Variants in PDZRN3 observed in about 807,000 individuals in gnomAD.
The protein encoded by PDZRN3 is E3 ubiquitin-protein ligase PDZRN3.
In PDZRN3, 38 loss-of-function variants were observed where a neutral mutation model predicts 85.7. The ratio of observed to expected loss-of-function variants is 0.44; its 90% CI spans 0.34 to 0.58. The LOEUF is 0.58. Ranked by LOEUF, PDZRN3 falls within the 20% of genes least tolerant of loss-of-function variation. The probability of loss-of-function intolerance (pLI) is 0.01; values close to 1 mark genes in which losing one functional copy is unlikely to be tolerated. For synonymous variants in PDZRN3, 759 were observed against 638.0 expected, an observed-to-expected ratio of 1.19 and a Z score of -2.86; for missense variants, 1,629 against 1,506.4, an observed-to-expected ratio of 1.08 and a Z score of -1.35.
At chr3:73,424,401 T>C (rs1406797156) in intron 3 of PDZRN3, among the ~76,000 whole-genome samples, 2 of 134,254 alleles carry the variant, frequency 1.5e-5, no homozygotes, top group Non-Finnish European at 3.1e-5. Flanking sequence ...AATAGCTGAG[T>C]GTAGTGGCAG....
chr3:73,618,663 A>G (rs1702804091), intron 1 of PDZRN3, among the ~76,000 whole-genome samples: 1 of 152,246 alleles, frequency 6.6e-6, no homozygotes, highest in East Asian at 1.9e-4. Context: ...CTTACTCATC[A>G]AATATTTTTA....
At chr3:73,585,832 G>A (rs1047286538) in intron 3 of PDZRN3, among the ~76,000 whole-genome samples, 7 of 152,164 alleles carry the variant, frequency 4.6e-5, no homozygotes, top group Non-Finnish European at 8.8e-5. Context: ...AAGGAAGACA[G>A]GACAAAGGTG....
At chr3:73,453,746 G>A (rs542494956) in intron 3 of PDZRN3, among the ~76,000 whole-genome samples, 34 of 152,158 alleles carry the variant, frequency 2.2e-4, no homozygotes, top group African/African-American at 7.9e-4. Flanking sequence ...GCCAAATACC[G>A]CAATTCTGAA....
chr3:73,393,764 C>T (rs1257359270), intron 5 of PDZRN3, among the ~76,000 whole-genome samples: 1 of 152,052 alleles, frequency 6.6e-6, no homozygotes, highest in African/African-American at 2.4e-5. Context: ...GAAAAAGACT[C>T]CTAAAGAATG....
chr3:73,397,539 T>C (rs1420986541), intron 5 of PDZRN3, among the ~76,000 whole-genome samples: 1 of 152,194 alleles, frequency 6.6e-6, no homozygotes, highest in South Asian at 2.1e-4. Context: ...TTTCTCAGCA[T>C]GCGGGGTTTA....
chr3:73,487,311 C>A (rs1269635061), intron 3 of PDZRN3, among the ~76,000 whole-genome samples: 1 of 152,036 alleles, frequency 6.6e-6, no homozygotes, highest in African/African-American at 2.4e-5. Context: ...GGGTCACGTT[C>A]TTCTTTAAAA....
intron 3 of PDZRN3, among the ~76,000 whole-genome samples, chr3:73,432,718 T>A (rs891421378): frequency 1.3e-5 from 2 of 152,236 alleles, no homozygotes; most frequent in African/African-American, 4.8e-5. Context: ...TGCCATTGAT[T>A]GTTATAAATC....
chr3:73,405,929 A>G (rs1173382917), intron 3 of PDZRN3, among the ~76,000 whole-genome samples: 1 of 152,130 alleles, frequency 6.6e-6, no homozygotes, highest in African/African-American at 2.4e-5. Flanking sequence ...CCCTGTAGGG[A>G]CAACAACTCT....
intron 3 of PDZRN3, among the ~76,000 whole-genome samples, chr3:73,419,523 G>A (rs57982910): frequency 0.014 from 2,178 of 152,256 alleles, 48 homozygotes; most frequent in African/African-American, 0.048. Context: ...CCAGGAGAAC[G>A]CGGTGTTTTT....
intron 3 of PDZRN3, among the ~76,000 whole-genome samples, chr3:73,452,585 C>T (rs1575663654): frequency 6.6e-6 from 1 of 152,134 alleles, no homozygotes; most frequent in South Asian, 2.1e-4. Context: ...GCCAGGCTTC[C>T]AGGATCATCT....
At position 73,423,984 on chromosome 3, in the gene PDZRN3, G is replaced by C. The variant is rs180831586; in HGVS notation, c.919-19589C>G. Among the ~76,000 whole-genome samples the C allele has an allele frequency of 1.2e-3, 185 of 152,212 alleles. 1 individual carries two copies. Among genetic ancestry groups the C allele is most frequent in the Non-Finnish European group, 2.2e-3 (150 of 68,008 alleles). On this transcript the variant is annotated intron_variant, in intron 3 of 9. Coordinates refer to ENST00000263666, the MANE Select transcript of PDZRN3 (RefSeq NM_015009.3). ...CCCGTGACGAGGAAGAGATGGGCTT[G>C]TCTATAAGATATACCAGAAAATCTG...
At chr3:73,518,868 G>A (rs904975183) in intron 3 of PDZRN3, among the ~76,000 whole-genome samples, 4 of 152,154 alleles carry the variant, frequency 2.6e-5, no homozygotes, top group African/African-American at 4.8e-5. Flanking sequence ...CACCATCACC[G>A]TGAAGATGGG....
intron 3 of PDZRN3, among the ~76,000 whole-genome samples, chr3:73,516,190 T>G (rs746831373): frequency 1.3e-5 from 2 of 152,288 alleles, no homozygotes; most frequent in South Asian, 2.1e-4. Flanking sequence ...CTTGTGTGCA[T>G]GTATGTGTGC....
At chr3:73,548,532 G>A (rs1453142023) in intron 3 of PDZRN3, among the ~76,000 whole-genome samples, 1 of 152,188 alleles carries the variant, frequency 6.6e-6, no homozygotes, top group Non-Finnish European at 1.5e-5. Flanking sequence ...CAACCTAGTT[G>A]ACTTCCCTGG....
intron 3 of PDZRN3, among the ~76,000 whole-genome samples, chr3:73,453,529 T>C (rs1210531595): frequency 6.6e-6 from 1 of 151,656 alleles, no homozygotes; most frequent in Non-Finnish European, 1.5e-5. Context: ...CAATGGCTGT[T>C]TTGCTTTCTT....
At chr3:73,452,028 A>G (rs576382438) in intron 3 of PDZRN3, among the ~76,000 whole-genome samples, 2 of 152,318 alleles carry the variant, frequency 1.3e-5, no homozygotes, top group East Asian at 1.9e-4. Flanking sequence ...GTGGGTAAGC[A>G]ATAACCTGCT....
chr3:73,524,204 G>T (rs1704465456), intron 3 of PDZRN3, among the ~76,000 whole-genome samples: 1 of 152,162 alleles, frequency 6.6e-6, no homozygotes, highest in Admixed American at 6.6e-5. Context: ...TAATAGTCAA[G>T]GCTGTAAACA....
intron 3 of PDZRN3, among the ~76,000 whole-genome samples, chr3:73,582,318 TGG>T (rs1265778647): frequency 6.6e-6 from 1 of 152,110 alleles, no homozygotes; most frequent in Admixed American, 6.6e-5. Context: ...CATTTTAATC[TGG>T]GGGATGGTGC....
At chr3:73,470,808 C>T (rs189783123) in intron 3 of PDZRN3, among the ~76,000 whole-genome samples, 3 of 152,282 alleles carry the variant, frequency 2.0e-5, no homozygotes, top group South Asian at 2.1e-4. Flanking sequence ...TAGTCCCAAA[C>T]GGACATTTTT....
Sources: gnomAD v4.1 joint callset for allele counts (sites outside exome capture counted in the v4.1 genomes callset) on GRCh38, gnomAD v4.1.1 for gene constraint, MANE v1.5 for transcripts, NCBI Gene and HGNC (gene_info 2026-07-23, HGNC 2026-07-21) for gene names.